The following MAD1L1 variants were observed in gnomAD, a reference collection of about 807,000 sequenced individuals.
The protein encoded by MAD1L1 is mitotic spindle assembly checkpoint protein MAD1.
Under a neutral mutation model 96.9 loss-of-function variants are expected in MAD1L1, and 95 were observed. The ratio of observed to expected loss-of-function variants is 0.98; its 90% confidence interval spans 0.83 to 1.16. MAD1L1 has a LOEUF of 1.16. Ranked by LOEUF, MAD1L1 falls within the 50% of genes most tolerant of loss-of-function variation. The probability of loss-of-function intolerance (pLI) is 0.00; values close to 1 mark genes in which losing one functional copy is unlikely to be tolerated. For missense variants in MAD1L1, 1,007 were observed against 954.4 expected (o/e 1.06, Z -0.73); for synonymous variants, 473 against 396.6 (o/e 1.19, Z -2.29).
chr7:2,142,513 CCGGA>C lies in MAD1L1; in HGVS notation c.1073+6635_1073+6638del, dbSNP rs748662343. 2.3e-4 allele frequency among the ~76,000 whole-genome samples: 35 copies of C among 152,364 alleles called. No homozygotes were observed. Among genetic ancestry groups the C allele is most frequent in the Admixed American group, 1.1e-3 (17 of 15,308 alleles). The stretch of plus-strand genomic sequence containing the variant: ...GACAGATCACGCGGGTTCTCTGCTG[CCGGA>C]CGGAGCGCCCCTAGCTGCCACTGAG... On this transcript the variant is annotated intron_variant, in intron 11 of 18. Transcript: ENST00000265854. This position sits in a 1 kb window ranked among gnomAD's most constrained non-coding sequence, Gnocchi z 4.7.
At chr7:2,127,162 G>C (rs1584386581) in intron 11 of MAD1L1, among the ~76,000 whole-genome samples, 1 of 152,356 alleles carries the variant, frequency 6.6e-6, no homozygotes, top group South Asian at 2.1e-4. Context: ...TTCCAGAAGA[G>C]AGGTGCTCAG....
At chr7:2,226,266 A>G (rs997452615) in intron 3 of MAD1L1, among the ~76,000 whole-genome samples, 1 of 152,176 alleles carries the variant, frequency 6.6e-6, no homozygotes, top group East Asian at 1.9e-4. Flanking sequence ...AAACCTACTC[A>G]GTATTGGACT....
At chr7:2,212,692 C>A (rs1793038985) in intron 10 of MAD1L1, among the ~76,000 whole-genome samples, 1 of 152,202 alleles carries the variant, frequency 6.6e-6, no homozygotes, top group Non-Finnish European at 1.5e-5. Context: ...CGAGCAGATG[C>A]CAGCACCATG....
At chr7:2,050,026 C>T (rs190295354) in intron 12 of MAD1L1, among the ~76,000 whole-genome samples, 2 of 148,716 alleles carry the variant, frequency 1.3e-5, no homozygotes, top group Non-Finnish European at 3.0e-5. Context: ...CCAGACCACA[C>T]GTTCACGGGG....
intron 11 of MAD1L1, among the ~76,000 whole-genome samples, chr7:2,113,485 C>G (rs1787491690): frequency 1.3e-5 from 2 of 152,136 alleles, no homozygotes; most frequent in Non-Finnish European, 2.9e-5. Flanking sequence ...GAGGCCGAGG[C>G]AGGAGAATTG....
intron 12 of MAD1L1, among the ~76,000 whole-genome samples, chr7:2,020,491 C>T (rs56016347): frequency 0.16 from 24,840 of 152,218 alleles, 2,573 homozygotes; most frequent in Middle Eastern, 0.3. Context: ...CGCAGGGGGA[C>T]GCCCGGCCCT....
At chr7:2,068,871 A>G (rs879575875) in intron 12 of MAD1L1, among the ~76,000 whole-genome samples, 7 of 152,188 alleles carry the variant, frequency 4.6e-5, no homozygotes, top group Non-Finnish European at 8.8e-5. Context: ...GAGGGTGCTG[A>G]CTGCAAGGCA....
intron 15 of MAD1L1, among the ~76,000 whole-genome samples, chr7:1,974,547 G>A (rs1174509646): frequency 1.3e-5 from 2 of 152,142 alleles, no homozygotes; most frequent in Non-Finnish European, 2.9e-5. Flanking sequence ...GAAACGAAGA[G>A]TATAGCAACA....
intron 12 of MAD1L1, among the ~76,000 whole-genome samples, chr7:2,026,676 T>C (rs1346096992): frequency 6.6e-6 from 1 of 152,146 alleles, no homozygotes; most frequent in African/African-American, 2.4e-5. Flanking sequence ...ATTTGAGAAA[T>C]TTGTTTCTGA....
intron 14 of MAD1L1, 75 bp from the exon 15 acceptor site, chr7:1,980,616 CCT>C (rs1452740606): frequency 1.5e-5 from 18 of 1,180,014 alleles, no homozygotes; most frequent in Admixed American, 2.0e-5. Flanking sequence ...AGCCCAGGCC[CCT>C]GAGACCACCC....
chr7:2,181,768 A>G (rs925081043), intron 10 of MAD1L1, among the ~76,000 whole-genome samples: 1 of 152,230 alleles, frequency 6.6e-6, no homozygotes, highest in African/African-American at 2.4e-5. Flanking sequence ...ATACGGAACC[A>G]GCCTAAATGC....
intron 11 of MAD1L1, among the ~76,000 whole-genome samples, chr7:2,100,893 A>G (rs369107183): frequency 6.6e-6 from 1 of 152,224 alleles, no homozygotes; most frequent in African/African-American, 2.4e-5. Flanking sequence ...AGGGGCCTCC[A>G]GTGCCCCCCA....
At chr7:2,070,880 A>C (rs1474636011) in intron 11 of MAD1L1, among the ~76,000 whole-genome samples, 1 of 152,208 alleles carries the variant, frequency 6.6e-6, no homozygotes, top group African/African-American at 2.4e-5. Flanking sequence ...CTTGAGGAAA[A>C]GTTTCATCCC....
intron 11 of MAD1L1, among the ~76,000 whole-genome samples, chr7:2,076,136 T>C (rs1433821406): frequency 6.6e-6 from 1 of 151,986 alleles, no homozygotes; most frequent in East Asian, 1.9e-4. Context: ...GTGCCTGGAG[T>C]GTGGATCCAC....
Position 2,120,982 on chromosome 7 carries a change from G to A in MAD1L1, c.1073+28170C>T, listed in dbSNP as rs149279710. Among the ~76,000 whole-genome samples the A allele has an allele frequency of 2.4e-3, 363 of 152,318 alleles. 2 individuals are homozygous for A. Among genetic ancestry groups the A allele is most frequent in the African/African-American group, 8.1e-3 (338 of 41,572 alleles). On this transcript the variant is annotated intron_variant, in intron 11 of 18. Transcript: ENST00000265854. ...GGGAGGCCCAGCAAGGAAGACAGGCGGCTGCCATCACAGCACAGGTGGACT... is the reference window on the plus strand; with the variant it reads ...GGGAGGCCCAGCAAGGAAGACAGGCAGCTGCCATCACAGCACAGGTGGACT...
chr7:1,895,544 G>C (rs1043145141), intron 18 of MAD1L1, among the ~76,000 whole-genome samples: 1 of 152,250 alleles, frequency 6.6e-6, no homozygotes, highest in Non-Finnish European at 1.5e-5. Flanking sequence ...CTTCAAGCAT[G>C]AAAACACAGT....
intron 18 of MAD1L1, among the ~76,000 whole-genome samples, chr7:1,878,476 A>G (rs1178139349): frequency 6.6e-6 from 1 of 152,132 alleles, no homozygotes; most frequent in Non-Finnish European, 1.5e-5. Flanking sequence ...GGTTTATCCT[A>G]GGAATGCAAG....
chr7:2,183,177 C>A (rs892940408), intron 10 of MAD1L1, among the ~76,000 whole-genome samples: 5 of 150,768 alleles, frequency 3.3e-5, no homozygotes, highest in African/African-American at 1.2e-4. Flanking sequence ...CGCGCCACTG[C>A]ATCCTGGCCT....
At chr7:2,178,750 A>T (rs1255032009) in intron 10 of MAD1L1, among the ~76,000 whole-genome samples, 2 of 152,136 alleles carry the variant, frequency 1.3e-5, no homozygotes, top group Non-Finnish European at 2.9e-5. Flanking sequence ...TACAAAAATT[A>T]GCCGGGTGTG....
Sources: allele counts gnomAD v4.1 joint callset (sites outside exome capture counted in the v4.1 genomes callset), GRCh38; gene constraint gnomAD v4.1.1; non-coding constraint Gnocchi (gnomAD v3.1); transcripts MANE v1.5; gene names NCBI Gene and HGNC (gene_info 2026-07-23, HGNC 2026-07-21).